Variants in FAM107B observed in about 807,000 individuals in gnomAD.
FAM107B encodes family with sequence similarity 107 member B, also known as protein FAM107B.
In FAM107B, 21 loss-of-function variants were observed where a neutral mutation model predicts 31.5. That is an observed-to-expected ratio of 0.67 (90% confidence interval 0.47 to 0.96). The LOEUF is 0.96. Ranked by LOEUF, FAM107B falls within the 40% of genes least tolerant of loss-of-function variation. The pLI, the probability that FAM107B is intolerant of heterozygous loss-of-function variation, is 0.00. For synonymous variants in FAM107B, 157 were observed against 141.5 expected (o/e 1.11, Z -0.78); for missense variants, 452 against 377.1 (o/e 1.20, Z -1.64).
chr10:14,632,538 G>C (rs780678947), intron 2 of FAM107B, among the ~76,000 whole-genome samples: 6 of 149,690 alleles, frequency 4.0e-5, no homozygotes, highest in Non-Finnish European at 8.9e-5. Context: ...GTGAACCCGG[G>C]AGGCGGAGCT....
intron 1 of FAM107B, among the ~76,000 whole-genome samples, chr10:14,744,627 T>C (rs1832689242): frequency 6.6e-6 from 1 of 152,250 alleles, no homozygotes. Flanking sequence ...TCTTTAGTTC[T>C]GTTTTTGTGA....
intron 2 of FAM107B, among the ~76,000 whole-genome samples, chr10:14,649,634 AC>A (rs1286736222): frequency 1.3e-5 from 2 of 152,084 alleles, no homozygotes; most frequent in East Asian, 1.9e-4. Context: ...TGACCTGGAC[AC>A]CCCCCACTTC....
intron 2 of FAM107B, among the ~76,000 whole-genome samples, chr10:14,626,640 A>T (rs191543814): frequency 6.6e-6 from 1 of 151,886 alleles, no homozygotes; most frequent in African/African-American, 2.4e-5. Flanking sequence ...AGTAGCCGGG[A>T]CTACAGGCGC....
At chr10:14,684,965 C>T (rs1248976586) in intron 1 of FAM107B, among the ~76,000 whole-genome samples, 2 of 151,640 alleles carry the variant, frequency 1.3e-5, no homozygotes, top group African/African-American at 4.8e-5. Flanking sequence ...GGACCACAGG[C>T]GTGCACTACT....
intron 2 of FAM107B, among the ~76,000 whole-genome samples, chr10:14,633,159 A>T (rs1853410906): frequency 6.6e-6 from 1 of 151,064 alleles, no homozygotes; most frequent in African/African-American, 2.4e-5. Flanking sequence ...AGACTGTGCC[A>T]CTGCACTCCA....
chr10:14,557,923 G>A lies in FAM107B; in HGVS notation c.470-27408C>T, dbSNP rs78351892. 4.4e-3 allele frequency among the ~76,000 whole-genome samples: 675 copies of A among 152,372 alleles called. 5 individuals carry two copies. The highest frequency in any genetic ancestry group is 6.9e-3 in the Non-Finnish European group (469 of 68,034). ...CATCCCTTGCTAATGGAGCCCACAG[G>A]CTAGGAGGCAGGAGAGATGAGGTAA... On this transcript the variant is annotated intron_variant, in intron 2 of 4. Coordinates refer to ENST00000181796, the MANE Select transcript of FAM107B (RefSeq NM_031453.4).
intron 2 of FAM107B, among the ~76,000 whole-genome samples, chr10:14,650,436 C>A (rs1202242104): frequency 2.0e-5 from 3 of 152,102 alleles, no homozygotes; most frequent in African/African-American, 7.2e-5. Flanking sequence ...CAGGTACCCA[C>A]CACCATGCCT....
chr10:14,600,990 C>T (rs1429282136), intron 2 of FAM107B, among the ~76,000 whole-genome samples: 1 of 152,204 alleles, frequency 6.6e-6, no homozygotes, highest in Non-Finnish European at 1.5e-5. Context: ...TGGTCTCACA[C>T]TCCTGGCCTC....
chr10:14,675,058 T>A (rs1244899638), intron 1 of FAM107B, among the ~76,000 whole-genome samples: 3 of 152,226 alleles, frequency 2.0e-5, no homozygotes, highest in African/African-American at 7.2e-5. Context: ...TCCAGTGGTA[T>A]AAATTCTCTG....
At chr10:14,581,194 C>T (rs988899996) in intron 2 of FAM107B, among the ~76,000 whole-genome samples, 5 of 152,252 alleles carry the variant, frequency 3.3e-5, no homozygotes, top group African/African-American at 4.8e-5. Context: ...AGTAAGAGAG[C>T]GTTGCGCGTC....
intron 2 of FAM107B, among the ~76,000 whole-genome samples, chr10:14,581,963 C>G (rs1207430897): frequency 2.0e-5 from 3 of 152,136 alleles, no homozygotes; most frequent in Non-Finnish European, 4.4e-5. Flanking sequence ...AAGGAGACAG[C>G]TGTACAGAAT....
chr10:14,694,774 C>T (rs542775338), intron 1 of FAM107B, among the ~76,000 whole-genome samples: 1 of 152,260 alleles, frequency 6.6e-6, no homozygotes, highest in South Asian at 2.1e-4. Context: ...CACTGAGCAC[C>T]TTTGCATATT....
chr10:14,537,297 G>A (rs1476085024), intron 2 of FAM107B, among the ~76,000 whole-genome samples: 1 of 152,220 alleles, frequency 6.6e-6, no homozygotes. Flanking sequence ...CATGTCACCT[G>A]GGGGTATATG....
chr10:14,763,916 T>C (rs757073717), intron 1 of FAM107B, among the ~76,000 whole-genome samples: 1 of 152,272 alleles, frequency 6.6e-6, no homozygotes, highest in Non-Finnish European at 1.5e-5. Context: ...AGAGCCTCCT[T>C]AGACCGGGTT....
chr10:14,593,653 C>T (rs1852089404), intron 2 of FAM107B, among the ~76,000 whole-genome samples: 1 of 150,996 alleles, frequency 6.6e-6, no homozygotes, highest in Non-Finnish European at 1.5e-5. Context: ...GAGATCACAC[C>T]ACTGTACTCC....
intron 2 of FAM107B, among the ~76,000 whole-genome samples, chr10:14,564,446 G>A (rs985924297): frequency 6.0e-5 from 9 of 151,232 alleles, no homozygotes; most frequent in African/African-American, 2.2e-4. Context: ...TGAGGAAACA[G>A]TGCCCCCAAG....
At chr10:14,688,881 C>T (rs2948720) in intron 1 of FAM107B, among the ~76,000 whole-genome samples, 48,130 of 152,084 alleles carry the variant, frequency 0.32, 7,786 homozygotes, top group Admixed American at 0.36. Flanking sequence ...TCTGAACATG[C>T]CTACTAGTCT....
intron 1 of FAM107B, among the ~76,000 whole-genome samples, chr10:14,701,283 C>T (rs567496312): frequency 7.0e-4 from 106 of 152,128 alleles, no homozygotes; most frequent in Non-Finnish European, 4.3e-4. Context: ...CTCACTCTGT[C>T]GTCCAGGCTG....
intron 2 of FAM107B, among the ~76,000 whole-genome samples, chr10:14,630,352 T>C (rs1196593169): frequency 6.6e-6 from 1 of 150,948 alleles, no homozygotes; most frequent in African/African-American, 2.4e-5. Flanking sequence ...AAAGTGATCA[T>C]TAGCAAAATA....
Sources: gnomAD v4.1 joint callset for allele counts (sites outside exome capture counted in the v4.1 genomes callset) on GRCh38, gnomAD v4.1.1 for gene constraint, MANE v1.5 for transcripts, NCBI Gene and HGNC (gene_info 2026-07-23, HGNC 2026-07-21) for gene names.